Variants in MGME1 observed in about 807,000 individuals in gnomAD.
MGME1 encodes the protein chromosome 20 open reading frame 72.
MGME1 carries 22 observed loss-of-function variants against 33.0 expected under a neutral mutation model. The ratio of observed to expected loss-of-function variants is 0.67; its 90% confidence interval spans 0.48 to 0.95. MGME1 has a LOEUF of 0.95. MGME1 is among the 40% of genes least tolerant of loss of function. The pLI is 0.00. For missense variants in MGME1, 383 were observed against 397.8 expected (o/e 0.96, Z 0.32); for synonymous variants, 133 against 144.0 (o/e 0.92, Z 0.55).
chr20:17,982,282 A>T (rs745904392), intron 3 of MGME1, among the ~76,000 whole-genome samples: 5 of 152,036 alleles, frequency 3.3e-5, no homozygotes, highest in Non-Finnish European at 7.4e-5. Context: ...CACCATGCTC[A>T]GCTAATTTTT....
chr20:17,987,140 A>G (rs2036172196), intron 3 of MGME1, among the ~76,000 whole-genome samples: 1 of 147,622 alleles, frequency 6.8e-6, no homozygotes, highest in South Asian at 2.2e-4. Flanking sequence ...AGATTACACC[A>G]CTGCACTCCA....
chr20:17,968,809 C>G, upstream of MGME1: 1 of 244,066 alleles, frequency 4.1e-6, no homozygotes, highest in Non-Finnish European at 8.0e-6. Context: ...CGTTTCGGTG[C>G]GGGGGGAATT....
At chr20:17,987,957 G>A (rs530175642) in intron 3 of MGME1, among the ~76,000 whole-genome samples, 2 of 152,290 alleles carry the variant, frequency 1.3e-5, no homozygotes, top group South Asian at 4.1e-4. Flanking sequence ...GGAGGCTGAG[G>A]TGGGAGGATC....
rs771609402 is a variant in MGME1 at position 17,969,866 on chromosome 20, A to G, written c.7A>G (p.Met3Val). The G allele has an allele frequency of 3.1e-5, 50 of 1,604,546 alleles. No homozygotes were observed. The highest frequency in any genetic ancestry group is 3.9e-5 in the Non-Finnish European group (46 of 1,176,888). The change falls in exon 2 of 5, where the codon ATG (methionine) becomes GTG (valine). Residue 3 changes from methionine (M) to valine (V), a missense_variant. Physicochemically the swap from Met to Val is conservative, Grantham distance 21. Transcript: ENST00000377710. MK[M>V]KLFQTICRQL... ...AAAGTGAAAACAAATCTGAATGAAG[A>G]TGAAGTTATTTCAGACCATTTGCAG...
chr20:17,977,306 G>T (rs2035893952), intron 3 of MGME1, among the ~76,000 whole-genome samples: 1 of 151,750 alleles, frequency 6.6e-6, no homozygotes, highest in Non-Finnish European at 1.5e-5. Flanking sequence ...AACCCGGGAG[G>T]CAGAAGTTGC....
chr20:17,976,083 A>AT (rs1401668502), intron 3 of MGME1, among the ~76,000 whole-genome samples, 180 bp downstream of exon 3: 1 of 152,200 alleles, frequency 6.6e-6, no homozygotes, highest in East Asian at 1.9e-4. Flanking sequence ...AACCTTTGTC[A>AT]TCCAGTACTC....
chr20:17,975,133 C>T (rs2035826197), intron 2 of MGME1, among the ~76,000 whole-genome samples: 1 of 152,006 alleles, frequency 6.6e-6, no homozygotes, highest in African/African-American at 2.4e-5. Context: ...GCCCAATTCT[C>T]CTAGAAGTAC....
upstream of MGME1, chr20:17,968,617 C>A: frequency 1.6e-6 from 1 of 628,412 alleles, no homozygotes; most frequent in Non-Finnish European, 2.8e-6. Context: ...GCGAGCAGGG[C>A]GCCACGTGCT....
intron 3 of MGME1, among the ~76,000 whole-genome samples, chr20:17,976,611 A>G (rs563862311): frequency 2.6e-5 from 4 of 152,154 alleles, no homozygotes; most frequent in East Asian, 1.9e-4. Flanking sequence ...CTTGACATGG[A>G]TCAGAGATCT....
At chr20:17,989,221 A>C (rs1200856409) in intron 4 of MGME1, among the ~76,000 whole-genome samples, 1 of 151,680 alleles carries the variant, frequency 6.6e-6, no homozygotes, top group Admixed American at 6.6e-5. Context: ...CCCTGTCTCT[A>C]CTAAAAATAC....
At position 17,988,309 on chromosome 20, in the gene MGME1, T is replaced by G; in HGVS notation, c.864+11T>G. 1 of 1,611,022 alleles carries G rather than the reference T, an allele frequency of 6.2e-7. No individual in the cohort carries two copies. The highest frequency in any genetic ancestry group is 8.5e-7 in the Non-Finnish European group (1 of 1,179,136). ...AACTACAGCTTTCAGGTCAGGACACTGAGCCTTTACTTAAAGCTTTGCTCA... is the reference window on the plus strand; with the variant it reads ...AACTACAGCTTTCAGGTCAGGACACGGAGCCTTTACTTAAAGCTTTGCTCA... On this transcript the variant is annotated intron_variant, in intron 4 of 4. Transcript: ENST00000377710.
intron 3 of MGME1, among the ~76,000 whole-genome samples, chr20:17,984,040 T>C (rs951679849): frequency 2.0e-5 from 3 of 152,212 alleles, no homozygotes; most frequent in Non-Finnish European, 4.4e-5. Flanking sequence ...CTGTTTTTTT[T>C]CTAGTAGTTT....
At position 17,969,951 on chromosome 20, in the gene MGME1, C is replaced by T. The variant is rs963076116; in HGVS notation, c.92C>T (p.Ser31Phe). The change falls in exon 2 of 5, where the codon TCC (serine) becomes TTC (phenylalanine). Residue 31 changes from serine (S) to phenylalanine (F), a missense_variant. Coordinates refer to ENST00000377710, the MANE Select transcript of MGME1 (RefSeq NM_052865.4). The part of the protein sequence containing the change: ...ESAALVAFST[S>F]SYSCGRKKKV... ...GCTGCCCTTGTGGCTTTCTCTACTT[C>T]CTCTTACTCATGTGGCCGGAAGAAA... 1.2e-6 allele frequency: 2 copies of T among 1,614,186 alleles called. No homozygotes were observed. Among genetic ancestry groups the T allele is most frequent in the East Asian group, 2.2e-5 (1 of 44,888 alleles).
At chr20:17,976,899 G>A (rs6105853) in intron 3 of MGME1, among the ~76,000 whole-genome samples, 41,895 of 151,754 alleles carry the variant, frequency 0.28, 6,048 homozygotes, top group East Asian at 0.43. Context: ...GACCTCAGGT[G>A]ATCCGCCTGC....
At chr20:17,980,252 C>T (rs1273249205) in intron 3 of MGME1, among the ~76,000 whole-genome samples, 1 of 151,564 alleles carries the variant, frequency 6.6e-6, no homozygotes, top group Non-Finnish European at 1.5e-5. Flanking sequence ...TCTCAAGCTC[C>T]TGACCTCAGG....
chr20:17,980,200 A>G (rs1010054681), intron 3 of MGME1, among the ~76,000 whole-genome samples: 1 of 151,042 alleles, frequency 6.6e-6, no homozygotes, highest in Non-Finnish European at 1.5e-5. Flanking sequence ...TCATTTTTGT[A>G]TTTTTCATAG....
At chr20:17,987,186 AAAAG>A (rs1380218682) in intron 3 of MGME1, among the ~76,000 whole-genome samples, 1 of 151,682 alleles carries the variant, frequency 6.6e-6, no homozygotes, top group African/African-American at 2.4e-5. Context: ...AAAAAAAAAA[AAAAG>A]AAGAACCAGG....
At position 17,978,062 on chromosome 20, in the gene MGME1, T is replaced by G. The variant is rs181538671; in HGVS notation, c.731+2159T>G. Among the ~76,000 whole-genome samples the G allele has an allele frequency of 4.0e-3, 617 of 152,358 alleles. 3 individuals carry two copies. The highest frequency in any genetic ancestry group is 0.014 in the African/African-American group (600 of 41,564). On this transcript the variant is annotated intron_variant, in intron 3 of 4. Coordinates refer to ENST00000377710, the MANE Select transcript of MGME1 (RefSeq NM_052865.4). ...ACTTTCTTAAAACATTATGAGATTT[T>G]TTTTTGGTTATTTATTTATTTATTT...
intron 2 of MGME1, chr20:17,972,821 A>G (rs2035763953): frequency 6.2e-6 from 6 of 974,224 alleles, no homozygotes; most frequent in Non-Finnish European, 3.7e-6. Context: ...TCCTGTTTTT[A>G]ACATGTTTGT....
Sources: gnomAD v4.1 joint callset for allele counts (sites outside exome capture counted in the v4.1 genomes callset) on GRCh38, gnomAD v4.1.1 for gene constraint, MANE v1.5 for transcripts, NCBI Gene and HGNC (gene_info 2026-07-23, HGNC 2026-07-21) for gene names.